The following UBE3B variants were observed in gnomAD, a reference collection of about 807,000 sequenced individuals.
UBE3B encodes the protein ubiquitin protein ligase E3B.
A neutral mutation model predicts 132.3 loss-of-function variants in UBE3B; 80 were observed. That is an observed-to-expected ratio of 0.60 (90% CI 0.50 to 0.73). The LOEUF is 0.73. UBE3B is among the 30% of genes least tolerant of loss of function. UBE3B has a pLI of 0.00. For synonymous variants in UBE3B, 487 were observed against 520.4 expected (o/e 0.94, Z 0.87); for missense variants, 1,196 against 1,362.5 (o/e 0.88, Z 1.92).
At chr12:109,507,283 A>G (rs985450929) in intron 14 of UBE3B, among the ~76,000 whole-genome samples, 1 of 152,218 alleles carries the variant, frequency 6.6e-6, no homozygotes, top group South Asian at 2.1e-4. Context: ...TTCCTCCTGT[A>G]TAAGATGGGG....
intron 18 of UBE3B, among the ~76,000 whole-genome samples, chr12:109,516,151 CTTTTTTCTT>C (rs1397173930): frequency 9.9e-5 from 13 of 131,012 alleles, no homozygotes; most frequent in East Asian, 6.6e-4. Context: ...GGAGGATTTT[CTTTTTTCTT>C]TTTTTTCTTT....
chr12:109,545,745 T>TA, the UBE3B span, among the ~76,000 whole-genome samples: 1 of 152,152 alleles, frequency 6.6e-6, no homozygotes, highest in Non-Finnish European at 1.5e-5. Context: ...TTGTCCCACT[T>TA]ACCCTTGCCG....
intron 9 of UBE3B, among the ~76,000 whole-genome samples, chr12:109,496,522 C>A (rs1468889719): frequency 6.6e-6 from 1 of 152,182 alleles, no homozygotes; most frequent in Non-Finnish European, 1.5e-5. Flanking sequence ...TGTGAGGTCT[C>A]CAGTTTCTCC....
Position 109,503,053 on chromosome 12 carries a change from C to G in UBE3B, c.1313C>G (p.Ala438Gly). Reference sequence around the variant, plus strand: ...CTAAAGCGTGCTTTTCAAAAGTCGGCATCAGTCCGGAATATTCTCAGGCCT... The same window carrying G: ...CTAAAGCGTGCTTTTCAAAAGTCGGGATCAGTCCGGAATATTCTCAGGCCT... ...SLLKRAFQKS[A>G]SVRNILRPVG... is the part of the protein sequence containing the mutation. The change falls in exon 14 of 28, where the codon GCA (alanine) becomes GGA (glycine). Residue 438 changes from alanine to glycine, a missense_variant. Physicochemically the swap from Ala to Gly is moderately conservative, Grantham distance 60. Transcript: ENST00000342494. The G allele has an allele frequency of 6.2e-7, 1 of 1,614,190 alleles. No individual in the cohort carries two copies.
intron 14 of UBE3B, among the ~76,000 whole-genome samples, chr12:109,506,611 A>G (rs113742687): frequency 0.049 from 7,497 of 152,272 alleles, 563 homozygotes; most frequent in African/African-American, 0.17. Context: ...TCAGCCTCCC[A>G]GAGTGCTGGG....
chr12:109,489,885 A>C (rs756539409), intron 7 of UBE3B, 34 bp from the exon 8 acceptor site: 9 of 1,599,106 alleles, frequency 5.6e-6, no homozygotes, highest in Non-Finnish European at 5.1e-6. Context: ...TTATGGCAAG[A>C]GACTTTTTTG....
chr12:109,489,944 C>T lies in UBE3B; in HGVS notation c.570C>T (p.Asn190=). ...GKGESLRPAM[N]HICANIMGHL... is the part of the protein sequence containing the mutation. The stretch of plus-strand genomic sequence containing the variant: ...GTGAAAGTCTTCGACCAGCGATGAA[C>T]CACATTTGTGCAAATATAATGGGAC... Residue 190 remains asparagine, a synonymous_variant, in exon 8 of 28, where the codon AAC becomes AAT. Coordinates refer to ENST00000342494, the MANE Select transcript of UBE3B (RefSeq NM_130466.4). The T allele has an allele frequency of 6.2e-7, 1 of 1,614,216 alleles. No homozygotes were observed. The highest frequency in any genetic ancestry group is 2.2e-5 in the East Asian group (1 of 44,890).
At position 109,488,678 on chromosome 12, in the gene UBE3B, A is replaced by G; in HGVS notation, c.544+10A>G. On this transcript the variant is annotated intron_variant, in intron 7 of 27. Transcript: ENST00000342494. ...ATTCTTCGGGGAAAAGGTCTGTGGG[A>G]CTTGCTTCAAAATGTTCTCTAACCA... 1 of 1,611,790 alleles carries G rather than the reference A, an allele frequency of 6.2e-7. No individual in the cohort carries two copies.
rs117199998 is a variant in UBE3B at position 109,493,700 on chromosome 12, G to A, written c.713+2573G>A. ...GAATATAGTGAAAGTCTATAAAATCGTCAGTGGTGTGCCAAGATGTGATCA... is the reference window on the plus strand; with the variant it reads ...GAATATAGTGAAAGTCTATAAAATCATCAGTGGTGTGCCAAGATGTGATCA... On this transcript the variant is annotated intron_variant, in intron 9 of 27. Coordinates refer to ENST00000342494, the MANE Select transcript of UBE3B (RefSeq NM_130466.4). 8.7e-3 allele frequency among the ~76,000 whole-genome samples: 1,318 copies of A among 152,308 alleles called. 10 individuals are homozygous for A. The highest frequency in any genetic ancestry group is 0.013 in the Admixed American group (199 of 15,300).
downstream of UBE3B, among the ~76,000 whole-genome samples, chr12:109,540,930 G>T (rs752371397): frequency 6.6e-6 from 1 of 152,236 alleles, no homozygotes; most frequent in Non-Finnish European, 1.5e-5. Flanking sequence ...TGGGACCCAC[G>T]CAAGAAGTGC....
intron 11 of UBE3B, among the ~76,000 whole-genome samples, chr12:109,498,789 T>G (rs1330826724): frequency 6.6e-6 from 1 of 152,134 alleles, no homozygotes; most frequent in African/African-American, 2.4e-5. Context: ...CACAGAATTC[T>G]CCTTGCCTAA....
At chr12:109,533,824 G>C in intron 27 of UBE3B, 1 of 983,918 alleles carries the variant, frequency 1.0e-6, no homozygotes, top group Non-Finnish European at 1.5e-6. Context: ...GGGTGGGTAC[G>C]TGCTGTTTTT....
At chr12:109,515,674 T>A (rs939594322) in intron 18 of UBE3B, among the ~76,000 whole-genome samples, 14 of 152,234 alleles carry the variant, frequency 9.2e-5, no homozygotes, top group African/African-American at 2.9e-4. Flanking sequence ...CAGCTGTTAC[T>A]GTTCTTATTT....
At position 109,534,357 on chromosome 12, in the gene UBE3B, A is replaced by C. The variant is rs1883255187; in HGVS notation, c.3016-234A>C. On this transcript the variant is annotated intron_variant, in intron 27 of 27. Coordinates refer to ENST00000342494, the MANE Select transcript of UBE3B (RefSeq NM_130466.4). The surrounding 1 kb of genome is among the most constrained non-coding windows in gnomAD (Gnocchi z 5.2). ...CGGAAGGCCCCATTTCCAAAAGCTTACTTAGTGCAGGAATTCTCTGTGCAG... is the reference window on the plus strand; with the variant it reads ...CGGAAGGCCCCATTTCCAAAAGCTTCCTTAGTGCAGGAATTCTCTGTGCAG... 1 of 1,415,276 alleles carries C rather than the reference A, an allele frequency of 7.1e-7. No homozygotes were observed. The highest frequency in any genetic ancestry group is 1.4e-5 in the African/African-American group (1 of 69,130). 87.7% of individuals were successfully genotyped at this position (1,415,276 alleles called of 1,614,324 possible). A position where few individuals can be genotyped will look rare whatever the true frequency, so the allele number is the denominator to read the frequency against.
intron 14 of UBE3B, among the ~76,000 whole-genome samples, chr12:109,503,666 G>A: frequency 6.6e-6 from 1 of 152,054 alleles, no homozygotes; most frequent in Admixed American, 6.5e-5. Context: ...ATCTTTATTG[G>A]CTACATAGTA....
chr12:109,526,286 C>G, intron 23 of UBE3B, 72 bp from the exon 24 acceptor site: 8 of 1,416,128 alleles, frequency 5.6e-6, no homozygotes, highest in Non-Finnish European at 8.0e-6. Flanking sequence ...TGTGCTGGGC[C>G]CTCTCATCTC....
chr12:109,499,824 G>A lies in UBE3B; in HGVS notation c.1118+14G>A, dbSNP rs767524666. 54 of 1,556,590 alleles carry A rather than the reference G, an allele frequency of 3.5e-5. No individual in the cohort carries two copies. Among genetic ancestry groups the A allele is most frequent in the Non-Finnish European group, 4.7e-5 (54 of 1,146,778 alleles). On this transcript the variant is annotated intron_variant, in intron 12 of 27. Transcript: ENST00000342494. ...TGTGGATTATGGGTGAGTCCCAGAT[G>A]CAAATCACTGTCTTTCCTGCCTCTC... is the stretch of plus-strand genomic sequence containing the variant.
intron 9 of UBE3B, chr12:109,492,832 A>C (rs1290180024): frequency 6.6e-6 from 1 of 152,018 alleles, no homozygotes; most frequent in Non-Finnish European, 1.5e-5. Flanking sequence ...TTTTACATGT[A>C]ATCAATATTT....
chr12:109,534,810 T>C lies in UBE3B; in HGVS notation c.*28T>C. On this transcript the variant is annotated 3_prime_UTR_variant, in exon 28 of 28. Transcript: ENST00000342494. This position sits in a 1 kb window ranked among gnomAD's most constrained non-coding sequence, Gnocchi z 5.2. Reference sequence around the variant, plus strand: ...CCTGTCCCAGCCCTGCCTCCAGGGCTCCTGGGCTGCCAGGGACCTTCAGCT... The same window carrying C: ...CCTGTCCCAGCCCTGCCTCCAGGGCCCCTGGGCTGCCAGGGACCTTCAGCT... 1.4e-6 allele frequency: 2 copies of C among 1,478,816 alleles called. No individual in the cohort carries two copies. Among genetic ancestry groups the C allele is most frequent in the Non-Finnish European group, 1.8e-6 (2 of 1,112,578 alleles). 91.6% of individuals were successfully genotyped at this position (1,478,816 alleles called of 1,614,324 possible). A position where few individuals can be genotyped will look rare whatever the true frequency, so the allele number is the denominator to read the frequency against.
Sources: gnomAD v4.1 joint callset for allele counts (sites outside exome capture counted in the v4.1 genomes callset) on GRCh38, gnomAD v4.1.1 for gene constraint, Gnocchi (gnomAD v3.1) non-coding constraint, MANE v1.5 for transcripts, NCBI Gene and HGNC (gene_info 2026-07-23, HGNC 2026-07-21) for gene names.